AFG1L: variants seen among roughly 807,000 people sequenced by gnomAD.
AFG1L encodes AFG1 like ATPase, also known as AFG1-like ATPase.
AFG1L carries 53 observed loss-of-function variants against 62.2 expected under a neutral mutation model. The observed-to-expected ratio is 0.85, with a 90% CI of 0.68 to 1.07. The LOEUF is 1.07. Among genes scored for constraint, AFG1L ranks in the 50% least tolerant of loss-of-function variants. The probability of loss-of-function intolerance (pLI) is 0.00; values close to 1 mark genes in which losing one functional copy is unlikely to be tolerated. For missense variants in AFG1L, 555 were observed against 590.5 expected (o/e 0.94, Z 0.62); for synonymous variants, 228 against 210.3 (o/e 1.08, Z -0.73).
chr6:108,308,891 G>A (rs1314383152), intron 1 of AFG1L, among the ~76,000 whole-genome samples: 3 of 151,982 alleles, frequency 2.0e-5, no homozygotes, highest in Non-Finnish European at 4.4e-5. Context: ...ATTTTTAGTA[G>A]AGATGGGGTT....
chr6:108,507,091 A>G (rs375506461), intron 10 of AFG1L, among the ~76,000 whole-genome samples: 4 of 152,228 alleles, frequency 2.6e-5, no homozygotes, highest in East Asian at 3.8e-4. Flanking sequence ...TAAAGAAAAA[A>G]GTAGTATTGC....
intron 4 of AFG1L, among the ~76,000 whole-genome samples, chr6:108,356,449 A>G (rs1355716643): frequency 6.6e-6 from 1 of 152,208 alleles, no homozygotes; most frequent in Non-Finnish European, 1.5e-5. Context: ...TGAAATGATT[A>G]AAGAGTAGAA....
At chr6:108,412,513 G>A (rs892668399) in intron 7 of AFG1L, among the ~76,000 whole-genome samples, 1 of 152,224 alleles carries the variant, frequency 6.6e-6, no homozygotes, top group Non-Finnish European at 1.5e-5. Flanking sequence ...GGCAGCCAGA[G>A]AGAAAGGTTG....
chr6:108,329,082 C>CCCTT lies in AFG1L; in HGVS notation c.363+5054_363+5057dup, dbSNP rs532147611. ...TTATTCCCTCCCTCCCTCCCTCCTT[C>CCCTT]CCTTCCTTCCTTCCTTCCTTCCTAT... On this transcript the variant is annotated intron_variant, in intron 2 of 12. Transcript: ENST00000368977. 1.1e-3 allele frequency among the ~76,000 whole-genome samples: 152 copies of CCCTT among 139,868 alleles called. 1 individual carries two copies. Among genetic ancestry groups the CCCTT allele is most frequent in the African/African-American group, 1.4e-3 (53 of 38,998 alleles). 91.8% of individuals were successfully genotyped at this position (139,868 alleles called of 152,430 possible).
intron 1 of AFG1L, among the ~76,000 whole-genome samples, chr6:108,295,588 G>A (rs754338995): frequency 2.0e-5 from 3 of 152,078 alleles, no homozygotes; most frequent in Non-Finnish European, 4.4e-5. Context: ...TGACTGACGG[G>A]CACTGGAGGA....
At chr6:108,314,156 G>A (rs1457211352) in intron 1 of AFG1L, among the ~76,000 whole-genome samples, 1 of 151,918 alleles carries the variant, frequency 6.6e-6, no homozygotes, top group East Asian at 2.0e-4. Context: ...GCTTGAACCC[G>A]GAAGGTGGAG....
At chr6:108,422,230 A>C (rs1281278056) in intron 7 of AFG1L, among the ~76,000 whole-genome samples, 5 of 151,954 alleles carry the variant, frequency 3.3e-5, no homozygotes, top group Admixed American at 3.3e-4. Context: ...ACCTGTGTCC[A>C]GAATAGTTAA....
intron 2 of AFG1L, among the ~76,000 whole-genome samples, chr6:108,340,780 C>T (rs765372701): frequency 1.1e-4 from 16 of 152,196 alleles, no homozygotes; most frequent in African/African-American, 3.6e-4. Flanking sequence ...GAAGAGGAAT[C>T]GTTTTCCTTT....
At chr6:108,329,704 A>ATT (rs201440181) in intron 2 of AFG1L, among the ~76,000 whole-genome samples, 3 of 151,924 alleles carry the variant, frequency 2.0e-5, no homozygotes, top group African/African-American at 7.3e-5. Flanking sequence ...ACACAGACCT[A>ATT]TTTTTTTTCT....
chr6:108,408,417 A>G (rs1781959711), intron 7 of AFG1L, among the ~76,000 whole-genome samples: 1 of 152,178 alleles, frequency 6.6e-6, no homozygotes, highest in South Asian at 2.1e-4. Context: ...TATTCAGCCA[A>G]AGATTACATT....
At chr6:108,509,812 T>G (rs1011717346) in intron 10 of AFG1L, among the ~76,000 whole-genome samples, 14 of 152,266 alleles carry the variant, frequency 9.2e-5, no homozygotes, top group African/African-American at 3.1e-4. Context: ...ACAGTGTCTT[T>G]TTGTAAAAAG....
At chr6:108,309,789 C>G (rs921626764) in intron 1 of AFG1L, among the ~76,000 whole-genome samples, 1 of 151,970 alleles carries the variant, frequency 6.6e-6, no homozygotes, top group Non-Finnish European at 1.5e-5. Context: ...AAAAAGAACA[C>G]AAAATATCTT....
intron 8 of AFG1L, among the ~76,000 whole-genome samples, chr6:108,475,992 C>T (rs1203028410): frequency 6.6e-6 from 1 of 152,106 alleles, no homozygotes; most frequent in Non-Finnish European, 1.5e-5. Flanking sequence ...AGCATATTGG[C>T]AGGTCAACCT....
intron 7 of AFG1L, among the ~76,000 whole-genome samples, chr6:108,435,351 C>T (rs1054113818): frequency 2.6e-5 from 4 of 152,136 alleles, no homozygotes; most frequent in African/African-American, 9.7e-5. Flanking sequence ...GGGAATGGCT[C>T]TGTGAGGCTC....
chr6:108,517,285 T>G (rs1245486739), intron 11 of AFG1L, among the ~76,000 whole-genome samples: 1 of 152,106 alleles, frequency 6.6e-6, no homozygotes, highest in Non-Finnish European at 1.5e-5. Flanking sequence ...AAACAGCATG[T>G]TACTGGTACC....
chr6:108,467,833 A>AG (rs1772733498), intron 8 of AFG1L, among the ~76,000 whole-genome samples: 1 of 152,210 alleles, frequency 6.6e-6, no homozygotes, highest in African/African-American at 2.4e-5. Flanking sequence ...AGAATAACTT[A>AG]TGGTTTCAGG....
chr6:108,501,465 T>G (rs1774199052), intron 10 of AFG1L, among the ~76,000 whole-genome samples: 1 of 152,238 alleles, frequency 6.6e-6, no homozygotes, highest in Non-Finnish European at 1.5e-5. Flanking sequence ...ATAGGCTAAC[T>G]GCTGCAACAA....
intron 7 of AFG1L, among the ~76,000 whole-genome samples, chr6:108,404,854 A>C (rs1244619571): frequency 6.6e-6 from 1 of 152,058 alleles, no homozygotes; most frequent in Non-Finnish European, 1.5e-5. Context: ...TAGCCTCCTG[A>C]GTAGCTGGGA....
At chr6:108,332,848 T>C (rs1391734068) in intron 2 of AFG1L, among the ~76,000 whole-genome samples, 4 of 152,108 alleles carry the variant, frequency 2.6e-5, no homozygotes, top group Non-Finnish European at 5.9e-5. Flanking sequence ...CTCAAGCAAT[T>C]CACCTGCCTC....
Sources: gnomAD v4.1 joint callset for allele counts (sites outside exome capture counted in the v4.1 genomes callset) on GRCh38, gnomAD v4.1.1 for gene constraint, MANE v1.5 for transcripts, NCBI Gene and HGNC (gene_info 2026-07-23, HGNC 2026-07-21) for gene names.